CSMD1: variants seen among roughly 807,000 people sequenced by gnomAD.
The protein encoded by CSMD1 is CUB and sushi domain-containing protein 1.
A neutral mutation model predicts 417.5 loss-of-function variants in CSMD1; 213 were observed. The observed-to-expected ratio is 0.51, with a 90% confidence interval of 0.46 to 0.57. CSMD1 has a LOEUF of 0.57. CSMD1 is among the 20% of genes least tolerant of loss of function. The pLI, the probability that CSMD1 is intolerant of heterozygous loss-of-function variation, is 0.00. For synonymous variants in CSMD1, 2,862 were observed against 1,736.8 expected, an observed-to-expected ratio of 1.65 and a Z score of -16.11; for missense variants, 6,923 against 4,529.7, an observed-to-expected ratio of 1.53 and a Z score of -15.17.
At chr8:3,643,136 A>G (rs1167751943) in intron 7 of CSMD1, among the ~76,000 whole-genome samples, 1 of 152,078 alleles carries the variant, frequency 6.6e-6, no homozygotes, top group Non-Finnish European at 1.5e-5. Flanking sequence ...ACAGTCAGGG[A>G]AAAACCATGT....
intron 6 of CSMD1, among the ~76,000 whole-genome samples, chr8:3,723,790 T>C (rs181170187): frequency 2.6e-5 from 4 of 152,156 alleles, no homozygotes; most frequent in Non-Finnish European, 4.4e-5. Flanking sequence ...AGTGAACCCA[T>C]GATTTCAAAA....
At chr8:3,813,273 T>C (rs1801185966) in intron 5 of CSMD1, among the ~76,000 whole-genome samples, 3 of 152,152 alleles carry the variant, frequency 2.0e-5, no homozygotes, top group African/African-American at 7.2e-5. Context: ...TTGCTATCCA[T>C]GCAAATACAT....
At chr8:4,394,102 A>C (rs1279384657) in intron 3 of CSMD1, among the ~76,000 whole-genome samples, 1 of 152,156 alleles carries the variant, frequency 6.6e-6, no homozygotes, top group Non-Finnish European at 1.5e-5. Flanking sequence ...CAGAGCACTA[A>C]CGATTAATTT....
At chr8:4,396,185 T>C (rs913360659) in intron 3 of CSMD1, among the ~76,000 whole-genome samples, 3 of 152,048 alleles carry the variant, frequency 2.0e-5, no homozygotes, top group Non-Finnish European at 4.4e-5. Flanking sequence ...ACATTTCCAG[T>C]TGGGCACAAT....
At chr8:4,793,783 T>C (rs1311761769) in intron 1 of CSMD1, among the ~76,000 whole-genome samples, 1 of 148,896 alleles carries the variant, frequency 6.7e-6, no homozygotes, top group Non-Finnish European at 1.5e-5. Context: ...GAAATCTTTC[T>C]ATGACAAATC....
At chr8:4,550,948 G>A (rs996096785) in intron 2 of CSMD1, among the ~76,000 whole-genome samples, 41 of 152,098 alleles carry the variant, frequency 2.7e-4, no homozygotes, top group African/African-American at 9.7e-4. Flanking sequence ...CTGACTATGA[G>A]CATTTCAACG....
chr8:3,744,387 C>A (rs987741478), intron 6 of CSMD1, among the ~76,000 whole-genome samples: 2 of 152,076 alleles, frequency 1.3e-5, no homozygotes, highest in African/African-American at 4.8e-5. Context: ...AGATTTGGAA[C>A]CCAGGTTAAT....
chr8:4,795,608 C>T (rs1797936882), intron 1 of CSMD1, among the ~76,000 whole-genome samples: 1 of 151,940 alleles, frequency 6.6e-6, no homozygotes. Context: ...TCTTCTTTAA[C>T]CATAACAACA....
chr8:2,975,889 G>A (rs944059015), intron 55 of CSMD1, among the ~76,000 whole-genome samples: 1 of 152,044 alleles, frequency 6.6e-6, no homozygotes, highest in African/African-American at 2.4e-5. Context: ...CCCAGCTCCT[G>A]GAGACTTGAG....
intron 52 of CSMD1, among the ~76,000 whole-genome samples, chr8:3,014,886 AGCCTGGG>A (rs1808706472): frequency 6.6e-6 from 1 of 152,094 alleles, no homozygotes; most frequent in Admixed American, 6.5e-5. Context: ...ACTGCACTCC[AGCCTGGG>A]TAACACAGTG....
At chr8:4,222,711 C>A (rs1563297662) in intron 3 of CSMD1, among the ~76,000 whole-genome samples, 1 of 152,150 alleles carries the variant, frequency 6.6e-6, no homozygotes, top group Non-Finnish European at 1.5e-5. Flanking sequence ...TGGTTCGCTT[C>A]TGTAGGTGAT....
chr8:4,688,057 A>G (rs993340138), intron 1 of CSMD1, among the ~76,000 whole-genome samples: 5 of 152,198 alleles, frequency 3.3e-5, no homozygotes, highest in South Asian at 2.1e-4. Context: ...TGATTGCCCT[A>G]TGGCTCAGTT....
Position 3,646,587 on chromosome 8 carries a change from C to A in CSMD1, c.1010-29790G>T, listed in dbSNP as rs530188470. On this transcript the variant is annotated intron_variant, in intron 7 of 69. Transcript: ENST00000635120. ...TGTTTCCCCTGATTCTCAGTAGGAC[C>A]GCCCAAAGTAGCAGTCAGGGAACCA... is the stretch of plus-strand genomic sequence containing the variant. Among the ~76,000 whole-genome samples, 49 of 152,256 alleles carry A rather than the reference C, an allele frequency of 3.2e-4. 1 individual carries two copies. Among genetic ancestry groups the A allele is most frequent in the Admixed American group, 2.8e-3 (43 of 15,284 alleles).
At chr8:4,137,203 G>A (rs888841026) in intron 3 of CSMD1, among the ~76,000 whole-genome samples, 2 of 152,286 alleles carry the variant, frequency 1.3e-5, no homozygotes, top group East Asian at 3.9e-4. Context: ...CATCTTGCCT[G>A]GAAACAGTTG....
At chr8:3,426,933 T>A (rs934485691) in intron 12 of CSMD1, among the ~76,000 whole-genome samples, 2 of 152,128 alleles carry the variant, frequency 1.3e-5, no homozygotes, top group Non-Finnish European at 2.9e-5. Context: ...CTCAGGAAAC[T>A]TACAATCGTG....
At chr8:4,947,630 C>T (rs1323061346) in intron 1 of CSMD1, among the ~76,000 whole-genome samples, 2 of 152,006 alleles carry the variant, frequency 1.3e-5, no homozygotes, top group South Asian at 2.1e-4. Context: ...CTTCTTCCTC[C>T]CCCCAGTGAC....
At chr8:3,200,100 G>A (rs569417469) in intron 32 of CSMD1, among the ~76,000 whole-genome samples, 12 of 152,092 alleles carry the variant, frequency 7.9e-5, no homozygotes, top group Non-Finnish European at 1.6e-4. Context: ...GTAGACAGAA[G>A]TAAAGGGTGA....
intron 11 of CSMD1, among the ~76,000 whole-genome samples, chr8:3,486,684 G>C (rs533059067): frequency 5.9e-5 from 9 of 152,328 alleles, no homozygotes; most frequent in Non-Finnish European, 1.0e-4. Context: ...CTCGGGCTCC[G>C]ATTCCTGTGG....
At chr8:4,546,645 A>G (rs192961106) in intron 2 of CSMD1, among the ~76,000 whole-genome samples, 1 of 152,144 alleles carries the variant, frequency 6.6e-6, no homozygotes, top group Non-Finnish European at 1.5e-5. Context: ...GCCTTGGCTG[A>G]GTTACGCCAA....
Sources: allele counts gnomAD v4.1 joint callset (sites outside exome capture counted in the v4.1 genomes callset), GRCh38; gene constraint gnomAD v4.1.1; transcripts MANE v1.5; gene names NCBI Gene and HGNC (gene_info 2026-07-23, HGNC 2026-07-21).